The following TVP23A variants were observed in gnomAD, a reference collection of about 807,000 sequenced individuals.
TVP23A encodes the protein trans-golgi network vesicle protein 23 homolog A, also known as Golgi apparatus membrane protein TVP23 homolog A.
Under a neutral mutation model 31.7 loss-of-function variants are expected in TVP23A, and 21 were observed. The ratio of observed to expected loss-of-function variants is 0.66; its 90% CI spans 0.47 to 0.95. TVP23A has a LOEUF of 0.95. Among genes scored for constraint, TVP23A ranks in the 40% least tolerant of loss-of-function variants. TVP23A has a pLI of 0.00. For synonymous variants in TVP23A, 104 were observed against 96.0 expected, an observed-to-expected ratio of 1.08 and a Z score of -0.49; for missense variants, 279 against 255.6, an observed-to-expected ratio of 1.09 and a Z score of -0.62.
intron 2 of TVP23A, among the ~76,000 whole-genome samples, chr16:10,783,546 C>T (rs183903510): frequency 9.2e-5 from 14 of 152,164 alleles, no homozygotes; most frequent in East Asian, 7.7e-4. Flanking sequence ...CGTGGTGGCG[C>T]GTACCTGTAG....
chr16:10,762,040 C>T, downstream of TVP23A: 1 of 549,836 alleles, frequency 1.8e-6, no homozygotes, highest in Non-Finnish European at 3.2e-6. Flanking sequence ...AGGCCGAGAC[C>T]CCTGCGGGCA....
downstream of TVP23A, chr16:10,757,909 G>T: frequency 1.9e-6 from 3 of 1,614,134 alleles, no homozygotes; most frequent in Non-Finnish European, 2.5e-6. The surrounding 1 kb of genome is among the most constrained non-coding windows in gnomAD (Gnocchi z 4.1). Context: ...GTGGACTGGG[G>T]AGAGGTCGAC....
At chr16:10,798,756 C>T (rs1427954870) in intron 2 of TVP23A, among the ~76,000 whole-genome samples, 2 of 152,114 alleles carry the variant, frequency 1.3e-5, no homozygotes, top group African/African-American at 2.4e-5. Context: ...CTCCACCTCC[C>T]GGGTTCAAGT....
At chr16:10,794,532 G>C (rs1282456169) in intron 2 of TVP23A, among the ~76,000 whole-genome samples, 1 of 152,204 alleles carries the variant, frequency 6.6e-6, no homozygotes, top group African/African-American at 2.4e-5. Flanking sequence ...TAGGTCCAAT[G>C]AGCCAGAGAA....
At chr16:10,817,257 C>T (rs2034485283) in intron 2 of TVP23A, among the ~76,000 whole-genome samples, 1 of 152,206 alleles carries the variant, frequency 6.6e-6, no homozygotes, top group Non-Finnish European at 1.5e-5. Context: ...GAAACTAATA[C>T]AGTCTATTAC....
intron 2 of TVP23A, among the ~76,000 whole-genome samples, chr16:10,806,135 G>C (rs1045138309): frequency 6.6e-6 from 1 of 152,170 alleles, no homozygotes. Flanking sequence ...TGGAGGTCAG[G>C]AGTTTGAGAC....
At chr16:10,759,017 G>A (rs979750485), downstream of TVP23A, among the ~76,000 whole-genome samples, 2 of 152,154 alleles carry the variant, frequency 1.3e-5, no homozygotes, top group Admixed American at 6.5e-5. This position sits in a 1 kb window ranked among gnomAD's most constrained non-coding sequence, Gnocchi z 4.7. Context: ...CCACAGTTAC[G>A]CCTGACTTCT....
chr16:10,758,077 G>A (rs754327755), downstream of TVP23A: 2 of 1,589,180 alleles, frequency 1.3e-6, no homozygotes, highest in South Asian at 2.2e-5. Context: ...TCCACACTGT[G>A]AGATTTCTTT....
chr16:10,811,675 C>T (rs890864170), intron 2 of TVP23A, among the ~76,000 whole-genome samples: 5 of 151,884 alleles, frequency 3.3e-5, no homozygotes, highest in East Asian at 1.9e-4. Context: ...GAGGCCGAGG[C>T]GGGCGGATCA....
chr16:10,803,673 G>T (rs1391210658), intron 2 of TVP23A, among the ~76,000 whole-genome samples: 2 of 152,200 alleles, frequency 1.3e-5, no homozygotes, highest in African/African-American at 4.8e-5. Context: ...TGTCCCAGCA[G>T]GGTATCCATG....
At chr16:10,809,096 G>A (rs566385995) in intron 2 of TVP23A, among the ~76,000 whole-genome samples, 7 of 152,290 alleles carry the variant, frequency 4.6e-5, no homozygotes, top group Non-Finnish European at 8.8e-5. Context: ...CAGAATAACA[G>A]GTGCCACTTC....
intron 2 of TVP23A, among the ~76,000 whole-genome samples, chr16:10,782,902 A>G (rs560562168): frequency 1.3e-5 from 2 of 152,260 alleles, no homozygotes; most frequent in Non-Finnish European, 2.9e-5. Context: ...GCTCCAGACC[A>G]GCAAGAACAA....
At position 10,781,691 on chromosome 16, in the gene TVP23A, C is replaced by T. The variant is rs377421168; in HGVS notation, c.90-6595G>A. The stretch of plus-strand genomic sequence containing the variant: ...GCAAACTACAACCTAAGGGCCAAAT[C>T]TGGCCATGGCCTGCTTTTGTAAATG... On this transcript the variant is annotated intron_variant, in intron 2 of 7. Transcript: ENST00000299866. 8.5e-5 allele frequency among the ~76,000 whole-genome samples: 13 copies of T among 152,260 alleles called. No individual in the cohort carries two copies. In the East Asian group the frequency reaches 2.3e-3, roughly 27 times the overall value.
intron 3 of TVP23A, 59 bp downstream of exon 3, chr16:10,774,893 G>C: frequency 6.7e-7 from 1 of 1,488,126 alleles, no homozygotes. Context: ...TTGGTACCAC[G>C]CACACAGGGG....
chr16:10,789,595 G>A (rs372871784), intron 2 of TVP23A, among the ~76,000 whole-genome samples: 18 of 150,456 alleles, frequency 1.2e-4, no homozygotes, highest in African/African-American at 4.4e-4. Flanking sequence ...TTGGGAGGCT[G>A]AGGCTGGTGG....
intron 7 of TVP23A, among the ~76,000 whole-genome samples, chr16:10,769,716 C>T (rs1166135054): frequency 6.6e-6 from 1 of 152,170 alleles, no homozygotes; most frequent in Non-Finnish European, 1.5e-5. Flanking sequence ...TGTAAATTCC[C>T]TGTGTAGTAA....
chr16:10,805,745 T>C (rs555925331), intron 2 of TVP23A, among the ~76,000 whole-genome samples: 30 of 151,942 alleles, frequency 2.0e-4, no homozygotes, highest in African/African-American at 7.2e-4. Context: ...CTAAGTAAAA[T>C]GTCAGCTCCA....
At chr16:10,795,758 G>T (rs978490679) in intron 2 of TVP23A, among the ~76,000 whole-genome samples, 1 of 152,116 alleles carries the variant, frequency 6.6e-6, no homozygotes, top group Non-Finnish European at 1.5e-5. Context: ...AAATGATAGA[G>T]TCAGAATGCC....
rs757805880 is a variant in TVP23A, at chr16:10,771,740, C to G, written c.512G>C (p.Cys171Ser). 6.2e-7 allele frequency: 1 copy of G among 1,609,372 alleles called. No homozygotes were observed. Among genetic ancestry groups the G allele is most frequent in the Non-Finnish European group, 8.5e-7 (1 of 1,177,880 alleles). ...QAANLYGYIL[C>S]KMGGNSDIGK... ...AATGTCACTGTTGCCTCCCATCTTACAAAGGATGTAGCCATACAGGTTTGC... is the reference window on the plus strand; with the variant it reads ...AATGTCACTGTTGCCTCCCATCTTAGAAAGGATGTAGCCATACAGGTTTGC... The change falls in exon 6 of 8, where the codon TGT (cysteine) becomes TCT (serine). Residue 171 changes from cysteine to serine, a missense_variant. Transcript: ENST00000299866.
Sources: gnomAD v4.1 joint callset for allele counts (sites outside exome capture counted in the v4.1 genomes callset) on GRCh38, gnomAD v4.1.1 for gene constraint, Gnocchi (gnomAD v3.1) non-coding constraint, MANE v1.5 for transcripts, NCBI Gene and HGNC (gene_info 2026-07-23, HGNC 2026-07-21) for gene names.